Variants in RPGRIP1L observed in about 807,000 individuals in gnomAD.
RPGRIP1L encodes the protein RPGRIP1 like, also known as protein fantom.
RPGRIP1L carries 131 observed loss-of-function variants against 160.4 expected under a neutral mutation model. The ratio of observed to expected loss-of-function variants is 0.82; its 90% CI spans 0.71 to 0.94. The LOEUF is 0.94. RPGRIP1L is among the 40% of genes least tolerant of loss of function. RPGRIP1L has a pLI of 0.00. For synonymous variants in RPGRIP1L, 510 were observed against 515.8 expected, an observed-to-expected ratio of 0.99 and a Z score of 0.15; for missense variants, 1,522 against 1,535.8, an observed-to-expected ratio of 0.99 and a Z score of 0.15.
At chr16:53,674,543 G>C (rs1264354721) in intron 7 of RPGRIP1L, among the ~76,000 whole-genome samples, 1 of 151,854 alleles carries the variant, frequency 6.6e-6, no homozygotes, top group African/African-American at 2.4e-5. Flanking sequence ...TTCAGGTAAT[G>C]GTAGTGACCA....
chr16:53,648,103 CAA>C lies in RPGRIP1L; in HGVS notation c.2304+859_2304+860del, dbSNP rs781122239. Among the ~76,000 whole-genome samples the C allele has an allele frequency of 4.9e-4, 19 of 39,110 alleles. No individual in the cohort carries two copies. In the East Asian group the frequency reaches 4.9e-3, roughly 10 times the overall value. The allele number at this position is 39,110 out of a possible 152,430, so 25.7% of individuals were successfully genotyped here. A position where few individuals can be genotyped will look rare whatever the true frequency, so the allele number is the denominator to read the frequency against. ...TGGGTGACAGAGCAAGACTCCGTCTCAAAAAAAAAAAAAAAAAAAAAAAAGAT... is the reference window on the plus strand; with the variant it reads ...TGGGTGACAGAGCAAGACTCCGTCTCAAAAAAAAAAAAAAAAAAAAAAGAT... On this transcript the variant is annotated intron_variant, in intron 16 of 26. Coordinates refer to ENST00000647211, the MANE Select transcript of RPGRIP1L (RefSeq NM_015272.5).
intron 5 of RPGRIP1L, among the ~76,000 whole-genome samples, chr16:53,686,962 C>T (rs963483646): frequency 5.9e-5 from 9 of 152,094 alleles, no homozygotes; most frequent in Non-Finnish European, 1.0e-4. Flanking sequence ...AGAGAGAGGG[C>T]AGGAAATTTG....
intron 4 of RPGRIP1L, among the ~76,000 whole-genome samples, chr16:53,691,097 T>C (rs1193645034): frequency 6.6e-6 from 1 of 151,670 alleles, no homozygotes; most frequent in Admixed American, 6.6e-5. Flanking sequence ...TTTCTGTTCA[T>C]AGTGGTTTTT....
At chr16:53,672,651 C>T (rs879700078) in intron 8 of RPGRIP1L, among the ~76,000 whole-genome samples, 6 of 152,086 alleles carry the variant, frequency 3.9e-5, no homozygotes, top group Non-Finnish European at 8.8e-5. Flanking sequence ...GATCTTTAAT[C>T]CTTTGGGTAA....
At position 53,646,012 on chromosome 16, in the gene RPGRIP1L, A is replaced by C. The variant is rs1598310950; in HGVS notation, c.2305-9T>G. ...GGTGCTTGCTGACTTAACTGGAAAA[A>C]CATACATATTTATATTAAGGAAATA... On this transcript the variant is annotated splice_polypyrimidine_tract_variant and intron_variant, in intron 16 of 26. Coordinates refer to ENST00000647211, the MANE Select transcript of RPGRIP1L (RefSeq NM_015272.5). The C allele has an allele frequency of 1.2e-6, 2 of 1,613,190 alleles. No homozygotes were observed. The highest frequency in any genetic ancestry group is 2.2e-5 in the South Asian group (2 of 91,060).
intron 7 of RPGRIP1L, among the ~76,000 whole-genome samples, chr16:53,674,503 G>A (rs1164106417): frequency 6.6e-6 from 1 of 152,048 alleles, no homozygotes; most frequent in African/African-American, 2.4e-5. Context: ...TAAATACACT[G>A]ATAGTTGACG....
chr16:53,661,139 C>G (rs1012470571), intron 10 of RPGRIP1L, among the ~76,000 whole-genome samples: 2 of 151,384 alleles, frequency 1.3e-5, no homozygotes, highest in Non-Finnish European at 2.9e-5. Context: ...ACTAAAAATA[C>G]AAGAATTAGC....
chr16:53,646,358 C>A (rs1196895373), intron 16 of RPGRIP1L, among the ~76,000 whole-genome samples: 1 of 152,124 alleles, frequency 6.6e-6, no homozygotes, highest in Non-Finnish European at 1.5e-5. Flanking sequence ...AACTAAAATA[C>A]ATTCACCCGC....
intron 9 of RPGRIP1L, among the ~76,000 whole-genome samples, chr16:53,665,852 C>T (rs566578885): frequency 6.6e-6 from 1 of 152,250 alleles, no homozygotes; most frequent in Admixed American, 6.5e-5. Flanking sequence ...CGTAAGGACA[C>T]TTAGGGAGAT....
intron 9 of RPGRIP1L, among the ~76,000 whole-genome samples, chr16:53,668,508 A>G (rs1968462892): frequency 6.6e-6 from 1 of 152,254 alleles, no homozygotes; most frequent in African/African-American, 2.4e-5. Context: ...ACTGAATCAG[A>G]GTTGGATGGT....
At chr16:53,659,015 C>G in intron 10 of RPGRIP1L, 137 bp from the exon 11 acceptor site, 1 of 715,250 alleles carries the variant, frequency 1.4e-6, no homozygotes, top group Non-Finnish European at 2.4e-6. Flanking sequence ...TGAGCTAGCA[C>G]CTCGACAAAG....
intron 9 of RPGRIP1L, among the ~76,000 whole-genome samples, chr16:53,668,991 T>A (rs749164093): frequency 6.6e-6 from 1 of 152,156 alleles, no homozygotes; most frequent in Non-Finnish European, 1.5e-5. Context: ...GAATGCAAAC[T>A]GCAAATCATA....
intron 1 of RPGRIP1L, among the ~76,000 whole-genome samples, chr16:53,702,001 T>C (rs1274717771): frequency 6.6e-6 from 1 of 152,184 alleles, no homozygotes; most frequent in Non-Finnish European, 1.5e-5. Context: ...TTTAGGATCC[T>C]GTTGACACAT....
rs1228441746 is a variant in RPGRIP1L at position 53,665,006 on chromosome 16, G to C, written c.1107C>G (p.Ala369=). Residue 369 remains alanine (A), a synonymous_variant, in exon 10 of 27, where the codon GCC becomes GCG. Transcript: ENST00000647211. Reference sequence around the variant, plus strand: ...ATTGCTCTTCATGGGCAGCACTGAAGGCACTGCAAAACACACGTGACATGC... The same window carrying C: ...ATTGCTCTTCATGGGCAGCACTGAACGCACTGCAAAACACACGTGACATGC... ...KENYDKLYDS[A]FSAAHEEQWK... The C allele has an allele frequency of 3.7e-6, 6 of 1,613,554 alleles. No individual in the cohort carries two copies. Among genetic ancestry groups the C allele is most frequent in the Non-Finnish European group, 5.1e-6 (6 of 1,179,858 alleles).
At chr16:53,602,252 C>T (rs1963416054) in intron 26 of RPGRIP1L, 64 bp from the exon 27 acceptor site, 1 of 1,013,384 alleles carries the variant, frequency 9.9e-7, no homozygotes, top group Admixed American at 1.8e-5. Flanking sequence ...GAAAGGCTCG[C>T]AGACAGAAAC....
At chr16:53,703,731 G>A in intron 1 of RPGRIP1L, 72 bp downstream of exon 1, 1 of 280,912 alleles carries the variant, frequency 3.6e-6, no homozygotes, top group Non-Finnish European at 7.1e-6. Flanking sequence ...TAGGACCCCG[G>A]CCCGCGCTGC....
intron 2 of RPGRIP1L, among the ~76,000 whole-genome samples, chr16:53,697,826 G>C (rs1021675676): frequency 8.6e-5 from 13 of 150,400 alleles, no homozygotes; most frequent in Admixed American, 8.6e-4. Flanking sequence ...GCCGCCCATC[G>C]TCTGGGATGT....
intron 26 of RPGRIP1L, among the ~76,000 whole-genome samples, chr16:53,602,775 GA>G (rs398029414): frequency 2.9e-3 from 380 of 133,024 alleles, no homozygotes; most frequent in African/African-American, 6.8e-3. Context: ...ACTCCTCAAA[GA>G]AAAAAAAAAA....
At chr16:53,675,363 CA>C (rs2151260955) in intron 6 of RPGRIP1L, among the ~76,000 whole-genome samples, 1 of 152,218 alleles carries the variant, frequency 6.6e-6, no homozygotes, top group African/African-American at 2.4e-5. Context: ...AGGGAGCCCC[CA>C]AACTTCATGA....
Sources: allele counts gnomAD v4.1 joint callset (sites outside exome capture counted in the v4.1 genomes callset), GRCh38; gene constraint gnomAD v4.1.1; transcripts MANE v1.5; gene names NCBI Gene and HGNC (gene_info 2026-07-23, HGNC 2026-07-21).